Variants in GRM5 observed in about 807,000 individuals in gnomAD.
GRM5 encodes glutamate metabotropic receptor 5, also known as metabotropic glutamate receptor 5.
GRM5 carries 19 observed loss-of-function variants against 83.1 expected under a neutral mutation model. The observed-to-expected ratio is 0.23, with a 90% CI of 0.16 to 0.34. GRM5 has a LOEUF of 0.34. GRM5 is among the 10% of genes least tolerant of loss of function. The probability of loss-of-function intolerance (pLI) is 1.00; values close to 1 mark genes in which losing one functional copy is unlikely to be tolerated. For missense variants in GRM5, 1,160 were observed against 1,588.3 expected, an observed-to-expected ratio of 0.73 and a Z score of 4.58; for synonymous variants, 675 against 633.6, an observed-to-expected ratio of 1.07 and a Z score of -0.98.
chr11:88,836,230 T>C (rs1944093047), intron 3 of GRM5, among the ~76,000 whole-genome samples: 1 of 152,236 alleles, frequency 6.6e-6, no homozygotes, highest in Non-Finnish European at 1.5e-5. Context: ...ATGACTTCTA[T>C]TAAAACTGTT....
chr11:89,039,561 A>T (rs1043656327), intron 2 of GRM5, among the ~76,000 whole-genome samples: 3 of 152,294 alleles, frequency 2.0e-5, no homozygotes, highest in African/African-American at 7.2e-5. Context: ...TTTAAATTAA[A>T]CCATACTTTG....
intron 2 of GRM5, among the ~76,000 whole-genome samples, chr11:88,861,335 C>T (rs994022080): frequency 6.6e-6 from 1 of 152,094 alleles, no homozygotes; most frequent in South Asian, 2.1e-4. Flanking sequence ...ATACACTAGG[C>T]TTTTTTACAT....
intron 2 of GRM5, among the ~76,000 whole-genome samples, chr11:89,009,974 A>T (rs1490100479): frequency 6.8e-6 from 1 of 147,130 alleles, no homozygotes; most frequent in East Asian, 2.0e-4. Flanking sequence ...AAATATATTT[A>T]AATTGAAACA....
intron 2 of GRM5, among the ~76,000 whole-genome samples, chr11:88,921,133 A>G (rs1304563293): frequency 1.3e-5 from 2 of 152,068 alleles, no homozygotes; most frequent in Non-Finnish European, 2.9e-5. Flanking sequence ...ATTAAAAACA[A>G]TATTGTTAAA....
At chr11:88,899,387 C>A (rs1178757575) in intron 2 of GRM5, among the ~76,000 whole-genome samples, 2 of 144,594 alleles carry the variant, frequency 1.4e-5, no homozygotes, top group Non-Finnish European at 3.1e-5. Flanking sequence ...TTATTTCTTG[C>A]CCATTTACTG....
At chr11:88,789,862 T>C (rs1360111788) in intron 3 of GRM5, among the ~76,000 whole-genome samples, 1 of 152,046 alleles carries the variant, frequency 6.6e-6, no homozygotes, top group African/African-American at 2.4e-5. Flanking sequence ...AAATTTTTTT[T>C]TTCTTTTTTT....
chr11:88,696,234 G>A (rs770440627), intron 3 of GRM5, among the ~76,000 whole-genome samples: 10 of 152,038 alleles, frequency 6.6e-5, no homozygotes, highest in African/African-American at 9.7e-5. Context: ...GTCTGCCAGC[G>A]TCTGCTGGTT....
At position 88,684,970 on chromosome 11, in the gene GRM5, A is replaced by G. The variant is rs144769636; in HGVS notation, c.912-31567T>C. Among the ~76,000 whole-genome samples, 583 of 152,280 alleles carry G rather than the reference A, an allele frequency of 3.8e-3. 2 individuals are homozygous for G. The highest frequency in any genetic ancestry group is 0.013 in the African/African-American group (545 of 41,548). On this transcript the variant is annotated intron_variant, in intron 3 of 9. Transcript: ENST00000305447. Reference sequence around the variant, plus strand: ...AGCATGAAAACAGACTAATTATAATAAATTGGTACCAAGAGTGGGATGTTA... The same window carrying G: ...AGCATGAAAACAGACTAATTATAATGAATTGGTACCAAGAGTGGGATGTTA...
chr11:88,728,756 A>T (rs1196258780), intron 3 of GRM5, among the ~76,000 whole-genome samples: 2 of 152,238 alleles, frequency 1.3e-5, no homozygotes, highest in Non-Finnish European at 2.9e-5. Context: ...TCACATAAAC[A>T]GAACCAGTGA....
At chr11:88,902,095 G>A (rs1299114716) in intron 2 of GRM5, among the ~76,000 whole-genome samples, 1 of 151,772 alleles carries the variant, frequency 6.6e-6, no homozygotes, top group East Asian at 1.9e-4. Context: ...AACTTTATAT[G>A]CTGCTTTTCT....
At chr11:88,623,709 C>A (rs1459356398) in intron 4 of GRM5, among the ~76,000 whole-genome samples, 2 of 152,124 alleles carry the variant, frequency 1.3e-5, no homozygotes, top group African/African-American at 4.8e-5. Context: ...AAAGAATGAT[C>A]AGTATTTATT....
chr11:88,771,775 T>C (rs1379242657), intron 3 of GRM5, among the ~76,000 whole-genome samples: 2 of 152,142 alleles, frequency 1.3e-5, no homozygotes, highest in East Asian at 3.9e-4. Flanking sequence ...AATACACTCA[T>C]GGTTTTGAAG....
chr11:88,742,862 T>G lies in GRM5; in HGVS notation c.912-89459A>C, dbSNP rs145808518. On this transcript the variant is annotated intron_variant, in intron 3 of 9. Coordinates refer to ENST00000305447, the MANE Select transcript of GRM5 (RefSeq NM_001143831.3). ...CAGAACTGCTTCTACAGAGTGTTGG[T>G]AGGCTCTACCATCTAAGACCCCCTA... Among the ~76,000 whole-genome samples, 966 of 152,188 alleles carry G rather than the reference T, an allele frequency of 6.3e-3. 10 individuals carry two copies. Among genetic ancestry groups the G allele is most frequent in the African/African-American group, 0.022 (933 of 41,530 alleles).
At chr11:88,886,185 T>A (rs1945041547) in intron 2 of GRM5, among the ~76,000 whole-genome samples, 1 of 152,178 alleles carries the variant, frequency 6.6e-6, no homozygotes, top group Non-Finnish European at 1.5e-5. Context: ...TTTCTCTTTC[T>A]CTTCTCTTCG....
intron 3 of GRM5, among the ~76,000 whole-genome samples, chr11:88,823,595 T>C (rs1217891258): frequency 6.6e-6 from 1 of 151,914 alleles, no homozygotes; most frequent in East Asian, 1.9e-4. Flanking sequence ...CATCAGGAAG[T>C]ACTACTGACT....
chr11:88,555,485 C>T (rs1480696686), intron 8 of GRM5, among the ~76,000 whole-genome samples: 2 of 152,112 alleles, frequency 1.3e-5, no homozygotes, highest in Non-Finnish European at 2.9e-5. Context: ...TTTTCAGTTA[C>T]TGTTTGTTTT....
intron 3 of GRM5, among the ~76,000 whole-genome samples, chr11:88,733,392 T>C (rs886265676): frequency 1.3e-5 from 2 of 152,070 alleles, no homozygotes; most frequent in African/African-American, 4.8e-5. Flanking sequence ...CAAGTTTATA[T>C]ATATACATGA....
chr11:88,661,379 C>T (rs373460924), intron 3 of GRM5, among the ~76,000 whole-genome samples: 2 of 152,000 alleles, frequency 1.3e-5, no homozygotes, highest in African/African-American at 2.4e-5. Context: ...TGAGTTGATT[C>T]CCCCGTGCAG....
intron 3 of GRM5, among the ~76,000 whole-genome samples, chr11:88,780,297 A>G (rs1449673233): frequency 6.6e-6 from 1 of 152,178 alleles, no homozygotes; most frequent in East Asian, 1.9e-4. Context: ...CCATTGGGGC[A>G]TCTTTGAAAA....
Sources: gnomAD v4.1 joint callset for allele counts (sites outside exome capture counted in the v4.1 genomes callset) on GRCh38, gnomAD v4.1.1 for gene constraint, MANE v1.5 for transcripts, NCBI Gene and HGNC (gene_info 2026-07-23, HGNC 2026-07-21) for gene names.